The following UTS2B variants were observed in gnomAD, a reference collection of about 807,000 sequenced individuals.
The protein encoded by UTS2B is urotensin 2B.
UTS2B carries 21 observed loss-of-function variants against 19.2 expected under a neutral mutation model. That is an observed-to-expected ratio of 1.09 (90% confidence interval 0.78 to 1.58). UTS2B has a LOEUF of 1.58. Ranked by LOEUF, UTS2B falls within the 40% of genes most tolerant of loss-of-function variation. The probability of loss-of-function intolerance (pLI) is 0.00; values close to 1 mark genes in which losing one functional copy is unlikely to be tolerated. For missense variants in UTS2B, 138 were observed against 130.3 expected, an observed-to-expected ratio of 1.06 and a Z score of -0.29; for synonymous variants, 57 against 50.2, an observed-to-expected ratio of 1.14 and a Z score of -0.58.
chr3:191,277,795 G>A (rs879838057), intron 6 of UTS2B, among the ~76,000 whole-genome samples: 1 of 151,606 alleles, frequency 6.6e-6, no homozygotes, highest in Non-Finnish European at 1.5e-5. Context: ...GCATAGATGA[G>A]AAGAAAATAT....
At chr3:191,284,796 C>T (rs1032121510) in intron 4 of UTS2B, among the ~76,000 whole-genome samples, 2 of 151,706 alleles carry the variant, frequency 1.3e-5, no homozygotes, top group African/African-American at 4.8e-5. Context: ...ATTTTTCTGC[C>T]ATATTTTAGG....
At chr3:191,280,040 C>A (rs192788068) in intron 5 of UTS2B, among the ~76,000 whole-genome samples, 1 of 151,964 alleles carries the variant, frequency 6.6e-6, no homozygotes, top group Non-Finnish European at 1.5e-5. Flanking sequence ...TGCTCCAATA[C>A]GAGAGAGTGT....
intron 8 of UTS2B, chr3:191,273,576 A>T (rs554001775): frequency 2.2e-6 from 1 of 456,730 alleles, no homozygotes; most frequent in African/African-American, 2.0e-5. Flanking sequence ...TACAGAATAG[A>T]GTGGTGCTGT....
chr3:191,268,528 G>T, intron 8 of UTS2B, 87 bp from the exon 9 acceptor site: 2 of 924,686 alleles, frequency 2.2e-6, no homozygotes, highest in Non-Finnish European at 3.2e-6. Flanking sequence ...GTGCCTGAAT[G>T]CGAGAGTTAA....
chr3:191,295,294 A>T (rs971518566), intron 4 of UTS2B, among the ~76,000 whole-genome samples: 2 of 151,976 alleles, frequency 1.3e-5, no homozygotes, highest in Non-Finnish European at 2.9e-5. Context: ...TATTGCTGCT[A>T]AATCCAATAA....
the UTS2B span, among the ~76,000 whole-genome samples, chr3:191,336,585 G>A: frequency 1.3e-5 from 2 of 151,982 alleles, no homozygotes; most frequent in Non-Finnish European, 2.9e-5. Context: ...TACACAGTTT[G>A]CCCATGTCCA....
chr3:191,309,140 T>TGGGCAC (rs1395882858), intron 3 of UTS2B, among the ~76,000 whole-genome samples: 1 of 152,270 alleles, frequency 6.6e-6, no homozygotes, highest in East Asian at 1.9e-4. Flanking sequence ...ATCTCTCTTG[T>TGGGCAC]GGGCACAGGG....
At chr3:191,325,502 G>A (rs1047886371) in intron 2 of UTS2B, among the ~76,000 whole-genome samples, 4 of 152,168 alleles carry the variant, frequency 2.6e-5, no homozygotes, top group Admixed American at 1.3e-4. Context: ...GGAATTTTGT[G>A]AGTAACTGAT....
intron 4 of UTS2B, among the ~76,000 whole-genome samples, chr3:191,300,074 G>C (rs1247071431): frequency 6.7e-6 from 1 of 150,262 alleles, no homozygotes; most frequent in African/African-American, 2.5e-5. Flanking sequence ...CTTTGACACG[G>C]AGTTTTCGCT....
chr3:191,327,901 T>C (rs562255113), intron 2 of UTS2B, among the ~76,000 whole-genome samples: 87 of 152,318 alleles, frequency 5.7e-4, no homozygotes, highest in Non-Finnish European at 1.1e-3. Flanking sequence ...TTCCTTCTTA[T>C]TCCCACATTT....
intron 4 of UTS2B, among the ~76,000 whole-genome samples, chr3:191,297,183 C>G (rs375871753): frequency 6.6e-6 from 1 of 152,252 alleles, no homozygotes; most frequent in East Asian, 1.9e-4. Flanking sequence ...TGAGGGGTAT[C>G]TGACTCATAG....
intron 3 of UTS2B, among the ~76,000 whole-genome samples, chr3:191,314,264 G>C (rs1283058744): frequency 2.6e-5 from 4 of 152,096 alleles, no homozygotes; most frequent in Non-Finnish European, 5.9e-5. Flanking sequence ...TGCAGTACAG[G>C]CTTTGACCAA....
chr3:191,345,858 G>GT, the UTS2B span, among the ~76,000 whole-genome samples: 1 of 152,212 alleles, frequency 6.6e-6, no homozygotes, highest in Admixed American at 6.5e-5. Flanking sequence ...GTGTGCATGT[G>GT]TTGTTGGCAC....
At chr3:191,270,575 G>A (rs1485028379) in intron 8 of UTS2B, among the ~76,000 whole-genome samples, 1 of 151,958 alleles carries the variant, frequency 6.6e-6, no homozygotes, top group African/African-American at 2.4e-5. Flanking sequence ...AATCATTCTA[G>A]CTGATATACC....
intron 4 of UTS2B, among the ~76,000 whole-genome samples, chr3:191,290,131 C>T (rs1046316556): frequency 3.9e-5 from 6 of 152,090 alleles, no homozygotes; most frequent in Admixed American, 1.3e-4. Flanking sequence ...GTTTCATGAC[C>T]ATTTCCATCC....
chr3:191,321,203 A>AG (rs1168437371), intron 2 of UTS2B, among the ~76,000 whole-genome samples: 4 of 151,922 alleles, frequency 2.6e-5, no homozygotes, highest in African/African-American at 4.8e-5. Flanking sequence ...GTGTGTGGGG[A>AG]GGGGTGGGAG....
chr3:191,325,311 A>G (rs535603905), intron 2 of UTS2B, among the ~76,000 whole-genome samples: 2 of 150,084 alleles, frequency 1.3e-5, no homozygotes, highest in South Asian at 4.2e-4. Context: ...TAGGAAAGAC[A>G]TATGTTCTAA....
At chr3:191,319,703 C>CAAAA (rs10669169) in intron 2 of UTS2B, among the ~76,000 whole-genome samples, 2 of 134,898 alleles carry the variant, frequency 1.5e-5, no homozygotes, top group African/African-American at 2.8e-5. Flanking sequence ...GCTAAAAATA[C>CAAAA]AAAAAAAAAA....
intron 4 of UTS2B, chr3:191,294,545 CA>C (rs1716807309): frequency 6.6e-6 from 1 of 151,912 alleles, no homozygotes; most frequent in Non-Finnish European, 1.5e-5. Flanking sequence ...GATAAATGTC[CA>C]TGTTGTCACT....
Sources: gnomAD v4.1 joint callset for allele counts (sites outside exome capture counted in the v4.1 genomes callset) on GRCh38, gnomAD v4.1.1 for gene constraint, MANE v1.5 for transcripts, NCBI Gene and HGNC (gene_info 2026-07-23, HGNC 2026-07-21) for gene names.